The following MRPL22 variants were observed in gnomAD, a reference collection of about 807,000 sequenced individuals.
The protein encoded by MRPL22 is large ribosomal subunit protein uL22m.
Under a neutral mutation model 32.4 loss-of-function variants are expected in MRPL22, and 27 were observed. The ratio of observed to expected loss-of-function variants is 0.83; its 90% confidence interval spans 0.61 to 1.15. The LOEUF (loss-of-function observed/expected upper bound fraction) is 1.15, where lower values mean the gene tolerates loss of function less well. MRPL22 is among the 50% of genes most tolerant of loss of function. The pLI is 0.00. For synonymous variants in MRPL22, 86 were observed against 87.3 expected, an observed-to-expected ratio of 0.99 and a Z score of 0.08; for missense variants, 239 against 260.2, an observed-to-expected ratio of 0.92 and a Z score of 0.56.
intron 2 of MRPL22, among the ~76,000 whole-genome samples, chr5:154,945,401 T>G (rs1764476055): frequency 6.6e-6 from 1 of 152,178 alleles, no homozygotes; most frequent in Admixed American, 6.5e-5. Context: ...GGGGAGAATA[T>G]TAGTAGGTCA....
chr5:154,955,257 A>T (rs754393761), intron 3 of MRPL22: 1 of 152,194 alleles, frequency 6.6e-6, no homozygotes, highest in Non-Finnish European at 1.5e-5. Flanking sequence ...TTCTATTGCA[A>T]CTGAAATCTG....
chr5:154,956,534 A>G lies in MRPL22; in HGVS notation c.261+98A>G, dbSNP rs182278207. On this transcript the variant is annotated intron_variant, in intron 4 of 6. Coordinates refer to ENST00000523037, the MANE Select transcript of MRPL22 (RefSeq NM_014180.4). ...CACCCCAGGATTTGAAAAATAAAAA[A>G]GATTTGTGAGGAATGTGATATAATT... The G allele has an allele frequency of 4.0e-6, 3 of 752,356 alleles. No individual in the cohort carries two copies. The African/African-American group carries it at 5.4e-5, about 14-fold the overall frequency. 46.6% of individuals were successfully genotyped at this position (752,356 alleles called of 1,614,324 possible).
intron 5 of MRPL22, among the ~76,000 whole-genome samples, chr5:154,958,020 G>A (rs756907185): frequency 2.7e-5 from 4 of 149,474 alleles, no homozygotes; most frequent in African/African-American, 7.4e-5. Context: ...GCGTTCAAGC[G>A]ATTCTTCTGC....
chr5:154,950,882 A>G lies in MRPL22; in HGVS notation c.139A>G (p.Lys47Glu), dbSNP rs1475042139. Residue 47 changes from lysine (K) to glutamate (E), a missense_variant, in exon 3 of 7, where the codon AAG (lysine) becomes GAG (glutamate). By Grantham distance (56) the Lys-to-Glu change is moderately conservative (BLOSUM62 1). Transcript: ENST00000523037. Reference sequence around the variant, plus strand: ...TCTTGACATTTCTCGAAAATGGGAGAAGAAGAATAAAATTGTTTATCCTCC... The same window carrying G: ...TCTTGACATTTCTCGAAAATGGGAGGAGAAGAATAAAATTGTTTATCCTCC... ...ASLDISRKWE[K>E]KNKIVYPPQL... 1.2e-6 allele frequency: 2 copies of G among 1,613,876 alleles called. No homozygotes were observed. The highest frequency in any genetic ancestry group is 2.2e-5 in the South Asian group (2 of 91,080).
intron 2 of MRPL22, among the ~76,000 whole-genome samples, chr5:154,944,476 CA>C (rs1764462591): frequency 6.6e-6 from 1 of 152,136 alleles, no homozygotes; most frequent in African/African-American, 2.4e-5. Context: ...TAGTTATTTA[CA>C]CTCAGTCCTC....
intron 2 of MRPL22, among the ~76,000 whole-genome samples, chr5:154,942,237 A>G (rs2113529043): frequency 6.6e-6 from 1 of 152,320 alleles, no homozygotes; most frequent in South Asian, 2.1e-4. Flanking sequence ...CATGCCATCT[A>G]TGTAGCTCTA....
chr5:154,956,598 A>AT, intron 4 of MRPL22, 162 bp downstream of exon 4: 3 of 568,420 alleles, frequency 5.3e-6, no homozygotes, highest in Non-Finnish European at 9.3e-6. Context: ...GAGATGTATG[A>AT]TTTTCCTTAA....
chr5:154,948,434 A>G (rs1258951688), intron 2 of MRPL22, among the ~76,000 whole-genome samples: 1 of 151,552 alleles, frequency 6.6e-6, no homozygotes, highest in African/African-American at 2.4e-5. Flanking sequence ...TTTTCTTGTA[A>G]TTTATTTGTT....
At chr5:154,962,376 TATTG>T (rs1764716477) in intron 6 of MRPL22, among the ~76,000 whole-genome samples, 1 of 152,230 alleles carries the variant, frequency 6.6e-6, no homozygotes, top group Non-Finnish European at 1.5e-5. Flanking sequence ...TTTAATAAAC[TATTG>T]ATTCTTAACC....
At chr5:154,943,166 G>A (rs1344479512) in intron 2 of MRPL22, among the ~76,000 whole-genome samples, 1 of 151,712 alleles carries the variant, frequency 6.6e-6, no homozygotes. Flanking sequence ...TGGAGACACG[G>A]TCTCGCTCTG....
intron 2 of MRPL22, 36 bp downstream of exon 2, chr5:154,941,301 A>G: frequency 6.2e-7 from 1 of 1,611,982 alleles, no homozygotes; most frequent in Non-Finnish European, 8.5e-7. Flanking sequence ...GAAGGGCCCA[A>G]GGCATCTTTA....
rs185116886 is a variant in MRPL22 at position 154,966,419 on chromosome 5, T to C, written c.410-267T>C. 3.9e-5 allele frequency among the ~76,000 whole-genome samples: 6 copies of C among 152,356 alleles called. No individual in the cohort carries two copies. The East Asian group carries it at 1.2e-3, about 29-fold the overall frequency. ...TTGTCACTAGCTGAAATTATCATTT[T>C]ATTTTACGTCTTTCTTCTCCAGAAT... is the stretch of plus-strand genomic sequence containing the variant. On this transcript the variant is annotated intron_variant, in intron 6 of 6. Transcript: ENST00000523037.
intron 3 of MRPL22, among the ~76,000 whole-genome samples, chr5:154,953,146 C>CAGT (rs1764584994): frequency 3.3e-5 from 5 of 151,942 alleles, no homozygotes; most frequent in African/African-American, 9.7e-5. Context: ...ATCACAAGGT[C>CAGT]AGGAGTTCAA....
At chr5:154,951,627 C>T (rs1764562492) in intron 3 of MRPL22, among the ~76,000 whole-genome samples, 1 of 152,006 alleles carries the variant, frequency 6.6e-6, no homozygotes, top group African/African-American at 2.4e-5. Context: ...GCCTTCGCCT[C>T]CCGGGTTCAA....
chr5:154,943,051 T>C (rs531161845), intron 2 of MRPL22, among the ~76,000 whole-genome samples: 1 of 152,298 alleles, frequency 6.6e-6, no homozygotes, highest in African/African-American at 2.4e-5. Context: ...AAAATGACCA[T>C]AAGAAAACTA....
At chr5:154,955,698 C>T (rs1328085608) in intron 3 of MRPL22, 3 of 152,420 alleles carry the variant, frequency 2.0e-5, no homozygotes, top group Admixed American at 6.5e-5. Context: ...GACATACCTA[C>T]AACTTTAAAT....
At position 154,964,448 on chromosome 5, in the gene MRPL22, G is replaced by A. The variant is rs1764741549; in HGVS notation, c.410-2238G>A. Reference sequence around the variant, plus strand: ...GAAACCCCTAAATATGGACTTAGTGGAGGAGAGATTGGAGGAGAGGAACCA... The same window carrying A: ...GAAACCCCTAAATATGGACTTAGTGAAGGAGAGATTGGAGGAGAGGAACCA... On this transcript the variant is annotated intron_variant, in intron 6 of 6. Transcript: ENST00000523037. 3.3e-5 allele frequency among the ~76,000 whole-genome samples: 5 copies of A among 152,310 alleles called. No individual in the cohort carries two copies. In the South Asian group the frequency reaches 1.0e-3, roughly 32 times the overall value.
chr5:154,966,882 C>A lies in MRPL22; in HGVS notation c.606C>A (p.Ile202=), dbSNP rs370756659. The part of the protein sequence containing the change: ...EYIQQLRSRT[I]VHTL Reference sequence around the variant, plus strand: ...TTCAGCAGCTTCGCAGCCGGACCATCGTTCACACTCTATGATGAGGAGATT... The same window carrying A: ...TTCAGCAGCTTCGCAGCCGGACCATAGTTCACACTCTATGATGAGGAGATT... The change falls in exon 7 of 7, where the codon ATC becomes ATA. Residue 202 remains isoleucine (I), a synonymous_variant. Coordinates refer to ENST00000523037, the MANE Select transcript of MRPL22 (RefSeq NM_014180.4). 5.6e-6 allele frequency: 9 copies of A among 1,612,314 alleles called. No individual in the cohort carries two copies. The highest frequency in any genetic ancestry group is 7.6e-6 in the Non-Finnish European group (9 of 1,179,060).
At chr5:154,964,097 A>G (rs568906042) in intron 6 of MRPL22, among the ~76,000 whole-genome samples, 2 of 152,322 alleles carry the variant, frequency 1.3e-5, no homozygotes, top group Admixed American at 1.3e-4. Context: ...AACTATATCA[A>G]AGAGGTTTGG....
Sources: gnomAD v4.1 joint callset for allele counts (sites outside exome capture counted in the v4.1 genomes callset) on GRCh38, gnomAD v4.1.1 for gene constraint, MANE v1.5 for transcripts, NCBI Gene and HGNC (gene_info 2026-07-23, HGNC 2026-07-21) for gene names.